The following SIT1 variants were observed in gnomAD, a reference collection of about 807,000 sequenced individuals.
SIT1 encodes the protein signaling threshold regulating transmembrane adaptor 1.
Under a neutral mutation model 23.5 loss-of-function variants are expected in SIT1, and 19 were observed. The ratio of observed to expected loss-of-function variants is 0.81; its 90% CI spans 0.56 to 1.19. The LOEUF (loss-of-function observed/expected upper bound fraction) is 1.19. Among genes scored for constraint, SIT1 ranks in the 50% most tolerant of loss-of-function variants. The pLI is 0.00. For synonymous variants in SIT1, 114 were observed against 109.1 expected (o/e 1.04, Z -0.28); for missense variants, 213 against 254.9 (o/e 0.84, Z 1.12).
Position 35,650,092 on chromosome 9 carries a change from A to G in SIT1, c.358-11T>C. ...CACCTCCTCTGCAGCCTGGAGATGC[A>G]AGGCTGTTAGAAGTTCACTGGACCC... On this transcript the variant is annotated splice_polypyrimidine_tract_variant and intron_variant, in intron 4 of 4. Transcript: ENST00000259608. The surrounding 1 kb of genome is among the most constrained non-coding windows in gnomAD (Gnocchi z 4.8). 2.5e-6 allele frequency: 4 copies of G among 1,610,390 alleles called. No homozygotes were observed. The East Asian group carries it at 8.9e-5, about 36-fold the overall frequency.
chr9:35,650,457 AAGAG>A lies in SIT1; in HGVS notation c.236+41_237-43del, dbSNP rs2131801089. ...AGGGGATGAGTGGGGACTTCTCGGT[AAGAG>A]AGAACTCTCAGTCAACCCATCCCTG... On this transcript the variant is annotated intron_variant, in intron 2 of 4. Transcript: ENST00000259608. The surrounding 1 kb of genome is among the most constrained non-coding windows in gnomAD (Gnocchi z 4.8). The A allele has an allele frequency of 6.2e-7, 1 of 1,613,916 alleles. No homozygotes were observed. The highest frequency in any genetic ancestry group is 8.5e-7 in the Non-Finnish European group (1 of 1,179,878).
At position 35,650,196 on chromosome 9, in the gene SIT1, T is replaced by TC; in HGVS notation, c.344dup (p.Gly116ArgfsTer41). 6.2e-7 allele frequency: 1 copy of TC among 1,613,950 alleles called. No individual in the cohort carries two copies. Among genetic ancestry groups the TC allele is most frequent in the Non-Finnish European group, 8.5e-7 (1 of 1,179,946 alleles). ...ACAGTTGACTCACCCTGGCAGGGCC[T>TC]CCAAGAGTTGGATCCTGCTGGTCTG... is the stretch of plus-strand genomic sequence containing the variant. On this transcript the variant is annotated frameshift_variant, in exon 4 of 5. Coordinates refer to ENST00000259608, the MANE Select transcript of SIT1 (RefSeq NM_014450.3). LOFTEE classifies it high-confidence loss of function. The surrounding 1 kb of genome is among the most constrained non-coding windows in gnomAD (Gnocchi z 4.8).
rs773742443 is a variant in SIT1, at chr9:35,650,812, C to A, written c.42G>T (p.Trp14Cys). ...TGCTCATGGCTGCAGATGTGAGAGT[C>A]CACAAGCACACTGCTCTGAGCCGAG... ...ADPRLRAVCL[W>C]TLTSAAMSRG... The change falls in exon 1 of 5, where the codon TGG becomes TGT. Residue 14 changes from tryptophan (W) to cysteine (C), a missense_variant. Transcript: ENST00000259608. This position sits in a 1 kb window ranked among gnomAD's most constrained non-coding sequence, Gnocchi z 4.8. 2 of 1,613,384 alleles carry A rather than the reference C, an allele frequency of 1.2e-6. No homozygotes were observed. Among genetic ancestry groups the A allele is most frequent in the African/African-American group, 2.7e-5 (2 of 74,888 alleles).
At position 35,650,633 on chromosome 9, in the gene SIT1, G is replaced by GA. The variant is rs1563903492; in HGVS notation, c.104dup (p.Ser37LeufsTer120). The GA allele has an allele frequency of 3.1e-6, 5 of 1,613,524 alleles. No homozygotes were observed. The highest frequency in any genetic ancestry group is 4.2e-6 in the Non-Finnish European group (5 of 1,179,992). The stretch of plus-strand genomic sequence containing the variant: ...GTCCCCAGGCCTGGGTTATGGAGGG[G>GA]ATTCCTGTGGATGTGAAAGGAAGGG... On this transcript the variant is annotated frameshift_variant, in exon 2 of 5. Transcript: ENST00000259608. LOFTEE classifies it high-confidence loss of function. This position sits in a 1 kb window ranked among gnomAD's most constrained non-coding sequence, Gnocchi z 4.8.
Position 35,650,059 on chromosome 9 carries a change from T to G in SIT1, c.380A>C (p.Tyr127Ser). ...PARAAEEVMCYTSLQLRPPQG... is the reference protein window; with the variant it reads ...PARAAEEVMCSTSLQLRPPQG... ...AGGAGGCCGCAGCTGCAGGCTGGTATAGCACATCACCTCCTCTGCAGCCTG... is the reference window on the plus strand; with the variant it reads ...AGGAGGCCGCAGCTGCAGGCTGGTAGAGCACATCACCTCCTCTGCAGCCTG... The change falls in exon 5 of 5, where the codon TAT becomes TCT. Residue 127 changes from tyrosine to serine, a missense_variant. Transcript: ENST00000259608. This position sits in a 1 kb window ranked among gnomAD's most constrained non-coding sequence, Gnocchi z 4.8. The G allele has an allele frequency of 6.2e-7, 1 of 1,601,250 alleles. No homozygotes were observed.
Position 35,650,612 on chromosome 9 carries a change from C to CCAGG in SIT1, c.122_125dup (p.Trp42CysfsTer116). The CCAGG allele has an allele frequency of 4.3e-6, 7 of 1,613,746 alleles. No homozygotes were observed. Among genetic ancestry groups the CCAGG allele is most frequent in the Non-Finnish European group, 5.9e-6 (7 of 1,180,004 alleles). ...CAGCCCCTAAGAGGACCCACAGTCC[C>CCAGG]CAGGCCTGGGTTATGGAGGGGATTC... On this transcript the variant is annotated frameshift_variant, in exon 2 of 5. Coordinates refer to ENST00000259608, the MANE Select transcript of SIT1 (RefSeq NM_014450.3). LOFTEE classifies it high-confidence loss of function. This position sits in a 1 kb window ranked among gnomAD's most constrained non-coding sequence, Gnocchi z 4.8.
At position 35,649,724 on chromosome 9, in the gene SIT1, C is replaced by T. The variant is rs527901991; in HGVS notation, c.*124G>A. 91 of 691,366 alleles carry T rather than the reference C, an allele frequency of 1.3e-4. No homozygotes were observed. The highest frequency in any genetic ancestry group is 1.0e-3 in the South Asian group (47 of 45,470). 42.8% of individuals were successfully genotyped at this position (691,366 alleles called of 1,614,324 possible). On this transcript the variant is annotated 3_prime_UTR_variant, in exon 5 of 5. Transcript: ENST00000259608. ...TCCCTTGAAGCTCAGATAGGAAGTC[C>T]GGGGTAGATCACATCCTGTGACTTG...
In SIT1 at chr9:35,650,583, G is replaced by C. The variant is rs1307668811; in HGVS notation, c.155C>G (p.Thr52Arg). The change falls in exon 2 of 5, where the codon ACG (threonine) becomes AGG (arginine). Residue 52 changes from threonine to arginine, a missense_variant. Physicochemically the swap from Thr to Arg is moderately conservative, Grantham distance 71. Coordinates refer to ENST00000259608, the MANE Select transcript of SIT1 (RefSeq NM_014450.3). The surrounding 1 kb of genome is among the most constrained non-coding windows in gnomAD (Gnocchi z 4.8). ...WGLWVLLGAV[T>R]LLFLISLAAH... is the part of the protein sequence containing the mutation. ...AGCCAGCGAGATGAGAAATAGCAGC[G>C]TCACAGCCCCTAAGAGGACCCACAG... 1 of 1,613,788 alleles carries C rather than the reference G, an allele frequency of 6.2e-7. No homozygotes were observed. Among genetic ancestry groups the C allele is most frequent in the Non-Finnish European group, 8.5e-7 (1 of 1,180,002 alleles).
chr9:35,650,771 G>C lies in SIT1; in HGVS notation c.83C>G (p.Thr28Arg). 1.2e-6 allele frequency: 2 copies of C among 1,613,532 alleles called. No individual in the cohort carries two copies. Among genetic ancestry groups the C allele is most frequent in the Non-Finnish European group, 1.7e-6 (2 of 1,179,778 alleles). The part of the protein sequence containing the change: ...SAAMSRGDNC[T>R]DLLALGIPSI... ...CAGCTCACCCAGTGCGAGTAGATCC[G>C]TGCAGTTGTCGCCTCTGCTCATGGC... The change falls in exon 1 of 5, where the codon ACG becomes AGG. Residue 28 changes from threonine (T) to arginine (R), a missense_variant. Thr to Arg is a moderately conservative substitution (Grantham distance 71). Coordinates refer to ENST00000259608, the MANE Select transcript of SIT1 (RefSeq NM_014450.3). The surrounding 1 kb of genome is among the most constrained non-coding windows in gnomAD (Gnocchi z 4.8).
chr9:35,650,157 C>A lies in SIT1; in HGVS notation c.357+27G>T, dbSNP rs997705205. ...AAAGCCCCCCACTTCCTTCCCTCCCCCTTTTCTCCAGCCACAGTTGACTCA... is the reference window on the plus strand; with the variant it reads ...AAAGCCCCCCACTTCCTTCCCTCCCACTTTTCTCCAGCCACAGTTGACTCA... On this transcript the variant is annotated intron_variant, in intron 4 of 4. Coordinates refer to ENST00000259608, the MANE Select transcript of SIT1 (RefSeq NM_014450.3). The surrounding 1 kb of genome is among the most constrained non-coding windows in gnomAD (Gnocchi z 4.8). 1 of 1,613,614 alleles carries A rather than the reference C, an allele frequency of 6.2e-7. No homozygotes were observed. Among genetic ancestry groups the A allele is most frequent in the Admixed American group, 1.7e-5 (1 of 59,996 alleles).
In SIT1 at chr9:35,650,674, GC is replaced by G; in HGVS notation, c.101-38del. ...AAAGGAAGGGGGGTGTAACAGCCCC[GC>G]CCCACCCCCAGGGCCCAGCAGGTGG... is the stretch of plus-strand genomic sequence containing the variant. On this transcript the variant is annotated intron_variant, in intron 1 of 4. Transcript: ENST00000259608. The surrounding 1 kb of genome is among the most constrained non-coding windows in gnomAD (Gnocchi z 4.8). The G allele has an allele frequency of 6.2e-7, 1 of 1,611,704 alleles. No homozygotes were observed. Among genetic ancestry groups the G allele is most frequent in the East Asian group, 2.2e-5 (1 of 44,818 alleles).
rs748509094 is a variant in SIT1, at chr9:35,650,927, A to G, written c.-74T>C. Reference sequence around the variant, plus strand: ...CGTACCCCGCAGCTCAGCATCCCCAATACTGGTGGTGGCAAAGTCTCTGGT... The same window carrying G: ...CGTACCCCGCAGCTCAGCATCCCCAGTACTGGTGGTGGCAAAGTCTCTGGT... On this transcript the variant is annotated 5_prime_UTR_variant, in exon 1 of 5. Coordinates refer to ENST00000259608, the MANE Select transcript of SIT1 (RefSeq NM_014450.3). This position sits in a 1 kb window ranked among gnomAD's most constrained non-coding sequence, Gnocchi z 4.8. 23 of 1,107,832 alleles carry G rather than the reference A, an allele frequency of 2.1e-5. No individual in the cohort carries two copies. Among genetic ancestry groups the G allele is most frequent in the Admixed American group, 4.1e-5 (2 of 49,376 alleles). 68.6% of individuals were successfully genotyped at this position (1,107,832 alleles called of 1,614,324 possible).
In SIT1 at chr9:35,650,815, C is replaced by T. The variant is rs1354083045; in HGVS notation, c.39G>A (p.Leu13=). 4 of 1,613,450 alleles carry T rather than the reference C, an allele frequency of 2.5e-6. No individual in the cohort carries two copies. In the South Asian group the frequency reaches 4.4e-5, roughly 18 times the overall value. Residue 13 remains leucine, a synonymous_variant, in exon 1 of 5, where the codon TTG becomes TTA. Coordinates refer to ENST00000259608, the MANE Select transcript of SIT1 (RefSeq NM_014450.3). This position sits in a 1 kb window ranked among gnomAD's most constrained non-coding sequence, Gnocchi z 4.8. ...QADPRLRAVC[L]WTLTSAAMSR... ...TCATGGCTGCAGATGTGAGAGTCCA[C>T]AAGCACACTGCTCTGAGCCGAGGGT... is the stretch of plus-strand genomic sequence containing the variant.
chr9:35,650,158 C>G lies in SIT1; in HGVS notation c.357+26G>C, dbSNP rs780244811. On this transcript the variant is annotated intron_variant, in intron 4 of 4. Coordinates refer to ENST00000259608, the MANE Select transcript of SIT1 (RefSeq NM_014450.3). The surrounding 1 kb of genome is among the most constrained non-coding windows in gnomAD (Gnocchi z 4.8). ...AAGCCCCCCACTTCCTTCCCTCCCC[C>G]TTTTCTCCAGCCACAGTTGACTCAC... 1.2e-6 allele frequency: 2 copies of G among 1,613,812 alleles called. No individual in the cohort carries two copies. Among genetic ancestry groups the G allele is most frequent in the East Asian group, 2.2e-5 (1 of 44,894 alleles).
In SIT1 at chr9:35,650,197, C is replaced by T. The variant is rs1823450056; in HGVS notation, c.344G>A (p.Gly115Glu). Residue 115 changes from glycine to glutamate, a missense_variant, in exon 4 of 5, where the codon GGA becomes GAA. Transcript: ENST00000259608. The surrounding 1 kb of genome is among the most constrained non-coding windows in gnomAD (Gnocchi z 4.8). ...CAGTTGACTCACCCTGGCAGGGCCT[C>T]CAAGAGTTGGATCCTGCTGGTCTGG... is the stretch of plus-strand genomic sequence containing the variant. ...PEPDQQDPTLGGPARAAEEVM... is the reference protein window; with the variant it reads ...PEPDQQDPTLEGPARAAEEVM... The T allele has an allele frequency of 1.2e-6, 2 of 1,613,996 alleles. No individual in the cohort carries two copies. Among genetic ancestry groups the T allele is most frequent in the Non-Finnish European group, 8.5e-7 (1 of 1,179,990 alleles).
rs1423343794 is a variant in SIT1 at position 35,650,179 on chromosome 9, CTCACCCTGGCAGGGCCTCCAAGAGT to C, written c.337_357+4del. On this transcript the variant is annotated splice_donor_variant and splice_donor_region_variant and coding_sequence_variant and intron_variant, in exon 4 of 5. Coordinates refer to ENST00000259608, the MANE Select transcript of SIT1 (RefSeq NM_014450.3). LOFTEE classifies it high-confidence loss of function. This position sits in a 1 kb window ranked among gnomAD's most constrained non-coding sequence, Gnocchi z 4.8. ...CCCCCTTTTCTCCAGCCACAGTTGA[CTCACCCTGGCAGGGCCTCCAAGAGT>C]TGGATCCTGCTGGTCTGGCTCTGGG... 6.2e-7 allele frequency: 1 copy of C among 1,614,028 alleles called. No individual in the cohort carries two copies.
chr9:35,650,846 T>C lies in SIT1; in HGVS notation c.8A>G (p.Gln3Arg), dbSNP rs778532558. MN[Q>R]ADPRLRAVCL... is the part of the protein sequence containing the mutation. Reference sequence around the variant, plus strand: ...CACTGCTCTGAGCCGAGGGTCAGCCTGGTTCATGGCCTGACGGTTTCCACA... The same window carrying C: ...CACTGCTCTGAGCCGAGGGTCAGCCCGGTTCATGGCCTGACGGTTTCCACA... The change falls in exon 1 of 5, where the codon CAG becomes CGG. Residue 3 changes from glutamine to arginine, a missense_variant. By Grantham distance (43) the Gln-to-Arg change is conservative (BLOSUM62 1). Coordinates refer to ENST00000259608, the MANE Select transcript of SIT1 (RefSeq NM_014450.3). The surrounding 1 kb of genome is among the most constrained non-coding windows in gnomAD (Gnocchi z 4.8). The C allele has an allele frequency of 3.1e-6, 5 of 1,609,344 alleles. No homozygotes were observed. In the South Asian group the frequency reaches 5.5e-5, roughly 18 times the overall value.
rs997705205 is a variant in SIT1, at chr9:35,650,157, C to G, written c.357+27G>C. The G allele has an allele frequency of 1.9e-6, 3 of 1,613,732 alleles. No individual in the cohort carries two copies. Among genetic ancestry groups the G allele is most frequent in the Non-Finnish European group, 2.5e-6 (3 of 1,179,660 alleles). On this transcript the variant is annotated intron_variant, in intron 4 of 4. Coordinates refer to ENST00000259608, the MANE Select transcript of SIT1 (RefSeq NM_014450.3). This position sits in a 1 kb window ranked among gnomAD's most constrained non-coding sequence, Gnocchi z 4.8. ...AAAGCCCCCCACTTCCTTCCCTCCCCCTTTTCTCCAGCCACAGTTGACTCA... is the reference window on the plus strand; with the variant it reads ...AAAGCCCCCCACTTCCTTCCCTCCCGCTTTTCTCCAGCCACAGTTGACTCA...
rs563404337 is a variant in SIT1, at chr9:35,650,689, C to T, written c.101-52G>A. ...TAACAGCCCCGCCCCACCCCCAGGG[C>T]CCAGCAGGTGGGACCTGGGGCCACA... On this transcript the variant is annotated intron_variant, in intron 1 of 4. Coordinates refer to ENST00000259608, the MANE Select transcript of SIT1 (RefSeq NM_014450.3). This position sits in a 1 kb window ranked among gnomAD's most constrained non-coding sequence, Gnocchi z 4.8. The T allele has an allele frequency of 1.3e-5, 21 of 1,611,892 alleles. No individual in the cohort carries two copies. The East Asian group carries it at 4.0e-4, about 31-fold the overall frequency.
Sources: gnomAD v4.1 joint callset for allele counts on GRCh38, gnomAD v4.1.1 for gene constraint, Gnocchi (gnomAD v3.1) non-coding constraint, MANE v1.5 for transcripts, NCBI Gene and HGNC (gene_info 2026-07-23, HGNC 2026-07-21) for gene names.